The following JPH1 variants were observed in gnomAD, a reference collection of about 807,000 sequenced individuals.
JPH1 encodes junctophilin-1.
In JPH1, 12 loss-of-function variants were observed where a neutral mutation model predicts 53.6. The observed-to-expected ratio is 0.22, with a 90% CI of 0.14 to 0.36. JPH1 has a LOEUF of 0.36. Among genes scored for constraint, JPH1 ranks in the 10% least tolerant of loss-of-function variants. JPH1 has a pLI of 1.00. For missense variants in JPH1, 808 were observed against 905.5 expected, an observed-to-expected ratio of 0.89 and a Z score of 1.38; for synonymous variants, 375 against 363.8, an observed-to-expected ratio of 1.03 and a Z score of -0.35.
At chr8:74,280,953 G>A (rs1464366881) in intron 2 of JPH1, among the ~76,000 whole-genome samples, 2 of 152,144 alleles carry the variant, frequency 1.3e-5, no homozygotes, top group African/African-American at 4.8e-5. Flanking sequence ...TGCTCCAGCA[G>A]GTAATGGTTT....
chr8:74,257,207 T>C (rs1586739975), intron 3 of JPH1, among the ~76,000 whole-genome samples: 2 of 152,346 alleles, frequency 1.3e-5, no homozygotes, highest in South Asian at 4.1e-4. Context: ...CCCGCTGTCG[T>C]CCATGCTACT....
At chr8:74,259,610 C>T in intron 2 of JPH1, 107 bp from the exon 3 acceptor site, 2 of 866,498 alleles carry the variant, frequency 2.3e-6, no homozygotes, top group Non-Finnish European at 3.4e-6. Context: ...TGATTATGGC[C>T]CGACACCCAC....
chr8:74,251,219 G>C (rs1563395949), intron 3 of JPH1, among the ~76,000 whole-genome samples: 1 of 152,092 alleles, frequency 6.6e-6, no homozygotes, highest in Non-Finnish European at 1.5e-5. Flanking sequence ...GACAGTGTTG[G>C]GATGAACACT....
At chr8:74,310,474 C>T (rs903911931) in intron 2 of JPH1, among the ~76,000 whole-genome samples, 20 of 152,100 alleles carry the variant, frequency 1.3e-4, no homozygotes, top group East Asian at 7.7e-4. Context: ...ATGGTCTTGA[C>T]GCTAAGTGTT....
intron 2 of JPH1, among the ~76,000 whole-genome samples, chr8:74,264,320 T>A (rs1415685937): frequency 4.6e-5 from 7 of 152,218 alleles, no homozygotes; most frequent in Non-Finnish European, 8.8e-5. Context: ...TCCTTTTTTT[T>A]AAAGAGATAG....
chr8:74,308,172 G>T lies in JPH1; in HGVS notation c.1139+6689C>A, dbSNP rs75263795. On this transcript the variant is annotated intron_variant, in intron 2 of 5. Transcript: ENST00000342232. ...TGTTTTGGTGCTGTCAAATACAAAA[G>T]CTAAGCCAATGTTATCACAGTTAGG... Among the ~76,000 whole-genome samples the T allele has an allele frequency of 9.4e-3, 1,428 of 152,304 alleles. 23 individuals carry two copies. The highest frequency in any genetic ancestry group is 0.032 in the African/African-American group (1,350 of 41,560).
intron 2 of JPH1, among the ~76,000 whole-genome samples, chr8:74,313,614 T>G (rs1433182855): frequency 6.6e-6 from 1 of 151,886 alleles, no homozygotes; most frequent in South Asian, 2.1e-4. Context: ...CATTTTTTTT[T>G]GTACATTAAA....
In JPH1 at chr8:74,320,863, C is replaced by A; in HGVS notation, c.379+46G>T. The stretch of plus-strand genomic sequence containing the variant: ...TTCCCCGCAGCCGGGGCAGAGCCCA[C>A]CGCACCAGCTCGCGGAGCAGCCGAG... On this transcript the variant is annotated intron_variant, in intron 1 of 5. Transcript: ENST00000342232. This position sits in a 1 kb window ranked among gnomAD's most constrained non-coding sequence, Gnocchi z 4.4. The A allele has an allele frequency of 2.0e-6, 3 of 1,473,202 alleles. No homozygotes were observed. Among genetic ancestry groups the A allele is most frequent in the Non-Finnish European group, 2.7e-6 (3 of 1,114,682 alleles). The allele number at this position is 1,473,202 out of a possible 1,614,324, so 91.3% of individuals were successfully genotyped here. A position where few individuals can be genotyped will look rare whatever the true frequency, so the allele number is the denominator to read the frequency against.
chr8:74,282,231 G>C (rs1215555014), intron 2 of JPH1, among the ~76,000 whole-genome samples: 1 of 152,170 alleles, frequency 6.6e-6, no homozygotes, highest in African/African-American at 2.4e-5. Context: ...AAATCACTGA[G>C]ATATTCACTG....
intron 2 of JPH1, among the ~76,000 whole-genome samples, chr8:74,264,674 G>A (rs1806482856): frequency 6.6e-6 from 1 of 152,176 alleles, no homozygotes; most frequent in South Asian, 2.1e-4. Flanking sequence ...GCCACTCTGA[G>A]CCACAAGTGA....
chr8:74,258,145 CG>C (rs1390851037), intron 3 of JPH1, among the ~76,000 whole-genome samples: 6 of 152,178 alleles, frequency 3.9e-5, no homozygotes, highest in African/African-American at 1.4e-4. Flanking sequence ...AAACATGAAT[CG>C]AACACCTACC....
intron 2 of JPH1, among the ~76,000 whole-genome samples, chr8:74,277,844 ATAAG>A (rs1563408116): frequency 1.3e-5 from 2 of 152,216 alleles, no homozygotes; most frequent in African/African-American, 2.4e-5. Context: ...AAGTTTCTAA[ATAAG>A]TAATATATTC....
chr8:74,259,532 C>A, intron 2 of JPH1, 29 bp from the exon 3 acceptor site: 1 of 1,445,968 alleles, frequency 6.9e-7, no homozygotes, highest in Non-Finnish European at 9.4e-7. Flanking sequence ...GACGAGTCAG[C>A]ATAGGTGACC....
chr8:74,314,493 C>T (rs1412451162), intron 2 of JPH1, among the ~76,000 whole-genome samples: 2 of 151,950 alleles, frequency 1.3e-5, no homozygotes, highest in Non-Finnish European at 2.9e-5. Context: ...AAACACAATG[C>T]TTGCTATGGC....
At position 74,250,010 on chromosome 8, in the gene JPH1, C is replaced by T. The variant is rs80107373; in HGVS notation, c.1259-4835G>A. The stretch of plus-strand genomic sequence containing the variant: ...CTCCAAGTACTAAATTTACCACATT[C>T]CAGGGCAGTGTTTTAATTTCTTTAA... On this transcript the variant is annotated intron_variant, in intron 3 of 5. Coordinates refer to ENST00000342232, the MANE Select transcript of JPH1 (RefSeq NM_020647.4). Among the ~76,000 whole-genome samples the T allele has an allele frequency of 3.4e-4, 52 of 152,314 alleles. No homozygotes were observed. The East Asian group carries it at 5.6e-3, about 16-fold the overall frequency.
chr8:74,296,185 T>C (rs912418270), intron 2 of JPH1, among the ~76,000 whole-genome samples: 4 of 152,188 alleles, frequency 2.6e-5, no homozygotes, highest in African/African-American at 9.7e-5. Context: ...TATAATGTCT[T>C]GGTAACTGTG....
At chr8:74,298,811 A>C (rs1433716855) in intron 2 of JPH1, among the ~76,000 whole-genome samples, 2 of 152,164 alleles carry the variant, frequency 1.3e-5, no homozygotes, top group Non-Finnish European at 2.9e-5. Context: ...TGTTCTCCAC[A>C]AATTTATTAC....
intron 2 of JPH1, among the ~76,000 whole-genome samples, chr8:74,289,900 T>C (rs1807273755): frequency 6.6e-6 from 1 of 152,198 alleles, no homozygotes; most frequent in South Asian, 2.1e-4. Context: ...TGAACCAGCC[T>C]TGCATCCCAG....
chr8:74,315,410 A>G lies in JPH1; in HGVS notation c.590T>C (p.Phe197Ser). 6.2e-7 allele frequency: 1 copy of G among 1,612,362 alleles called. No homozygotes were observed. Among genetic ancestry groups the G allele is most frequent in the Non-Finnish European group, 8.5e-7 (1 of 1,179,918 alleles). ...GCCCGCTAGCTCAGCGTCTGCGTGG[A>G]AGTTGAGCACGAAACCGCCGCGGGT... Reference protein sequence around the residue: ...AGTRGGFVLNFHADAELAGKK... With the variant: ...AGTRGGFVLNSHADAELAGKK... The change falls in exon 2 of 6, where the codon TTC (phenylalanine) becomes TCC (serine). Residue 197 changes from phenylalanine to serine, a missense_variant. Physicochemically the swap from Phe to Ser is radical, Grantham distance 155. Coordinates refer to ENST00000342232, the MANE Select transcript of JPH1 (RefSeq NM_020647.4). This position sits in a 1 kb window ranked among gnomAD's most constrained non-coding sequence, Gnocchi z 6.3.
Sources: allele counts gnomAD v4.1 joint callset (sites outside exome capture counted in the v4.1 genomes callset), GRCh38; gene constraint gnomAD v4.1.1; non-coding constraint Gnocchi (gnomAD v3.1); transcripts MANE v1.5; gene names NCBI Gene and HGNC (gene_info 2026-07-23, HGNC 2026-07-21).